Variants in SLC30A10 observed in about 807,000 individuals in gnomAD.
SLC30A10 encodes the protein calcium/manganese antiporter SLC30A10.
SLC30A10 carries 8 observed loss-of-function variants against 21.7 expected under a neutral mutation model. That is an observed-to-expected ratio of 0.37 (90% confidence interval 0.22 to 0.67). SLC30A10 has a LOEUF of 0.67. SLC30A10 is among the 30% of genes least tolerant of loss of function. The pLI, the probability that SLC30A10 is intolerant of heterozygous loss-of-function variation, is 0.58. For synonymous variants in SLC30A10, 272 were observed against 279.4 expected (o/e 0.97, Z 0.26); for missense variants, 521 against 642.5 (o/e 0.81, Z 2.04).
In SLC30A10 at chr1:219,928,200, C is replaced by T. The variant is rs1659894882; in HGVS notation, c.241G>A (p.Gly81Ser). 1 of 1,560,806 alleles carries T rather than the reference C, an allele frequency of 6.4e-7. No individual in the cohort carries two copies. The highest frequency in any genetic ancestry group is 8.7e-7 in the Non-Finnish European group (1 of 1,152,538). The change falls in exon 1 of 4, where the codon GGC (glycine) becomes AGC (serine). Residue 81 changes from glycine to serine, a missense_variant. By Grantham distance (56) the Gly-to-Ser change is moderately conservative (BLOSUM62 0). Coordinates refer to ENST00000366926, the MANE Select transcript of SLC30A10 (RefSeq NM_018713.3). This position sits in a 1 kb window ranked among gnomAD's most constrained non-coding sequence, Gnocchi z 6.3. ...TYGYARAEVV[G>S]ALSNAVFLTA... ...AGGAAGACCGCGTTGCTCAGCGCGC[C>T]CACCACCTCGGCGCGGGCGTAGCCG...
At position 219,925,652 on chromosome 1, in the gene SLC30A10, T is replaced by TATATATATATATATATA. The variant is rs1491117690; in HGVS notation, c.718+1375_718+1376insTATATATATATATATAT. Among the ~76,000 whole-genome samples, 205 of 37,660 alleles carry TATATATATATATATATA rather than the reference T, an allele frequency of 5.4e-3. 4 individuals are homozygous for TATATATATATATATATA. The highest frequency in any genetic ancestry group is 0.018 in the Middle Eastern group (1 of 56). The allele number at this position is 37,660 out of a possible 152,430, so 24.7% of individuals were successfully genotyped here. A position where few individuals can be genotyped will look rare whatever the true frequency, so the allele number is the denominator to read the frequency against. ...GTGTACATATATATATATATATATA[T>TATATATATATATATATA]TTTTTTTTTTTTTTTTTTTTTGAGA... On this transcript the variant is annotated intron_variant, in intron 2 of 3. Transcript: ENST00000366926.
At chr1:219,933,056 C>T (rs1036578645), upstream of SLC30A10, among the ~76,000 whole-genome samples, 7 of 135,760 alleles carry the variant, frequency 5.2e-5, no homozygotes, top group African/African-American at 1.3e-4. Flanking sequence ...AGCAAAACTC[C>T]GTCTAAAAAA....
chr1:219,946,993 T>C (rs1660193903), intron 1 of SLC30A10, among the ~76,000 whole-genome samples: 1 of 152,184 alleles, frequency 6.6e-6, no homozygotes, highest in African/African-American at 2.4e-5. Context: ...CTAGTTCTCC[T>C]CTTTCCTCTC....
chr1:219,915,466 T>C lies in SLC30A10; in HGVS notation c.1441A>G (p.Asn481Asp). The C allele has an allele frequency of 6.2e-7, 1 of 1,614,024 alleles. No homozygotes were observed. The highest frequency in any genetic ancestry group is 8.5e-7 in the Non-Finnish European group (1 of 1,179,918). ...GTACCAGATTAAAAATGCGTTCTGT[T>C]GACATAACATTGGTCCTCCTGAGTT... The part of the protein sequence containing the change: ...NKTQEDQCYV[N>D]RTHF The change falls in exon 4 of 4, where the codon AAC becomes GAC. Residue 481 changes from asparagine (N) to aspartate (D), a missense_variant. By Grantham distance (23) the Asn-to-Asp change is conservative. Transcript: ENST00000366926.
intron 1 of SLC30A10, among the ~76,000 whole-genome samples, chr1:219,935,600 G>C (rs1046385179): frequency 6.6e-6 from 1 of 152,182 alleles, no homozygotes; most frequent in Non-Finnish European, 1.5e-5. Context: ...GCTAGATATA[G>C]AGGTATCACT....
At position 219,916,296 on chromosome 1, in the gene SLC30A10, C is replaced by T. The variant is rs539758830; in HGVS notation, c.959-348G>A. ...AAAGGGATGATTTGGCAACATGGAT[C>T]AAAAAAAACCTTTCCTAGCAATTCT... On this transcript the variant is annotated intron_variant, in intron 3 of 3. Transcript: ENST00000366926. 3.3e-5 allele frequency among the ~76,000 whole-genome samples: 5 copies of T among 151,574 alleles called. No homozygotes were observed. The South Asian group carries it at 1.0e-3, about 32-fold the overall frequency.
In SLC30A10 at chr1:219,952,606, A is replaced by G. The variant is rs550003827; in HGVS notation, n.80+5962T>C. Among the ~76,000 whole-genome samples, 12 of 152,314 alleles carry G rather than the reference A, an allele frequency of 7.9e-5. No homozygotes were observed. The South Asian group carries it at 2.5e-3, about 32-fold the overall frequency. ...CTGAACCTGTTTTCCTTGTCTAAACAATGGAAATAAATAGCAAGTATTCTC... is the reference window on the plus strand; with the variant it reads ...CTGAACCTGTTTTCCTTGTCTAAACGATGGAAATAAATAGCAAGTATTCTC... On this transcript the variant is annotated intron_variant and non_coding_transcript_variant, in intron 1 of 8. Coordinates refer to the SLC30A10 transcript ENST00000484239.
chr1:219,931,784 AT>A (rs1469372169), upstream of SLC30A10, among the ~76,000 whole-genome samples: 1 of 152,190 alleles, frequency 6.6e-6, no homozygotes, highest in Non-Finnish European at 1.5e-5. Context: ...CCTGGCCAGC[AT>A]TTTATACTTA....
At chr1:219,949,002 GA>G (rs1419764654) in intron 1 of SLC30A10, among the ~76,000 whole-genome samples, 2 of 151,560 alleles carry the variant, frequency 1.3e-5, no homozygotes, top group Non-Finnish European at 3.0e-5. Context: ...AAAAACACAT[GA>G]AAAAATGCTC....
chr1:219,923,550 G>A (rs1242257964), intron 2 of SLC30A10, among the ~76,000 whole-genome samples: 1 of 151,958 alleles, frequency 6.6e-6, no homozygotes, highest in Non-Finnish European at 1.5e-5. Context: ...TCATCAAAGG[G>A]GATTTCTTTT....
At chr1:219,923,284 A>G (rs773886888) in intron 2 of SLC30A10, among the ~76,000 whole-genome samples, 9 of 152,236 alleles carry the variant, frequency 5.9e-5, no homozygotes, top group Non-Finnish European at 1.0e-4. Flanking sequence ...CAATGCTCTC[A>G]AGGTAGCTTT....
rs1328994790 is a variant in SLC30A10, at chr1:219,912,442, G to C, written c.*3007C>G. Among the ~76,000 whole-genome samples, 1 of 152,192 alleles carries C rather than the reference G, an allele frequency of 6.6e-6. No individual in the cohort carries two copies. Among genetic ancestry groups the C allele is most frequent in the African/African-American group, 2.4e-5 (1 of 41,454 alleles). On this transcript the variant is annotated 3_prime_UTR_variant, in exon 4 of 4. Coordinates refer to ENST00000366926, the MANE Select transcript of SLC30A10 (RefSeq NM_018713.3). Reference sequence around the variant, plus strand: ...TAATGTGGAAAGGACTGTTTCTGTAGAAACAGAAGTGCAGTAGGGCCGTGT... The same window carrying C: ...TAATGTGGAAAGGACTGTTTCTGTACAAACAGAAGTGCAGTAGGGCCGTGT...
chr1:219,920,086 A>G (rs1659642606), intron 2 of SLC30A10, among the ~76,000 whole-genome samples: 1 of 152,180 alleles, frequency 6.6e-6, no homozygotes, highest in Non-Finnish European at 1.5e-5. Context: ...CAGTTGCCTC[A>G]AATTTTCCCC....
At position 219,928,266 on chromosome 1, in the gene SLC30A10, A is replaced by G; in HGVS notation, c.175T>C (p.Tyr59His). 6.3e-7 allele frequency: 1 copy of G among 1,593,042 alleles called. No individual in the cohort carries two copies. The highest frequency in any genetic ancestry group is 1.1e-5 in the South Asian group (1 of 88,682). ...ISLCVGLSAG[Y>H]IARRPTRGFS... ...CCCCGGGTGGGGCGCCGGGCGATGT[A>G]GCCGGCGCTCAGGCCCACGCACAGC... The change falls in exon 1 of 4, where the codon TAC becomes CAC. Residue 59 changes from tyrosine (Y) to histidine (H), a missense_variant. Physicochemically the swap from Tyr to His is moderately conservative, Grantham distance 83 (BLOSUM62 2). Coordinates refer to ENST00000366926, the MANE Select transcript of SLC30A10 (RefSeq NM_018713.3). The surrounding 1 kb of genome is among the most constrained non-coding windows in gnomAD (Gnocchi z 6.3).
intron 1 of SLC30A10, among the ~76,000 whole-genome samples, chr1:219,957,816 TA>T (rs35636434): frequency 0.47 from 70,829 of 151,628 alleles, 16,598 homozygotes; most frequent in South Asian, 0.53. Context: ...GATTCCATCT[TA>T]AAAAAAAAGC....
chr1:219,956,988 A>G lies in SLC30A10; in HGVS notation n.80+1580T>C, dbSNP rs565621399. ...AAAATATAATGGTAATGTCAACACT[A>G]ATCATTTGAAATCATCTCTCTTGCC... On this transcript the variant is annotated intron_variant and non_coding_transcript_variant, in intron 1 of 8. Transcript: ENST00000484239. 1.7e-4 allele frequency among the ~76,000 whole-genome samples: 26 copies of G among 152,314 alleles called. No homozygotes were observed. In the South Asian group the frequency reaches 5.0e-3, roughly 29 times the overall value.
rs1659758393 is a variant in SLC30A10, at chr1:219,924,009, C to T, written c.718+3019G>A. On this transcript the variant is annotated intron_variant, in intron 2 of 3. Transcript: ENST00000366926. ...GCCTGGGAGGCAGTTTGTGGTGAGT[C>T]AATACCACGACACTGCACTCCAGCC... 2.6e-5 allele frequency among the ~76,000 whole-genome samples: 4 copies of T among 152,142 alleles called. No individual in the cohort carries two copies. In the South Asian group the frequency reaches 8.3e-4, roughly 32 times the overall value.
In SLC30A10 at chr1:219,918,526, T is replaced by C; in HGVS notation, c.719-32A>G. ...GGAAGAAAGACTACTGCAGCACAGA[T>C]GCAAATCTGGAAGCCACGTGACACT... On this transcript the variant is annotated intron_variant, in intron 2 of 3. Transcript: ENST00000366926. This position sits in a 1 kb window ranked among gnomAD's most constrained non-coding sequence, Gnocchi z 4.4. The C allele has an allele frequency of 6.5e-7, 1 of 1,542,374 alleles. No homozygotes were observed. The highest frequency in any genetic ancestry group is 1.4e-5 in the African/African-American group (1 of 72,820).
chr1:219,921,888 T>C (rs1187588433), intron 2 of SLC30A10, among the ~76,000 whole-genome samples: 9 of 139,762 alleles, frequency 6.4e-5, no homozygotes, highest in Non-Finnish European at 1.2e-4. Flanking sequence ...TGTGTGTGTG[T>C]GTGTGTGTGT....
Sources: allele counts gnomAD v4.1 joint callset (sites outside exome capture counted in the v4.1 genomes callset), GRCh38; gene constraint gnomAD v4.1.1; non-coding constraint Gnocchi (gnomAD v3.1); transcripts MANE v1.5; gene names NCBI Gene and HGNC (gene_info 2026-07-23, HGNC 2026-07-21).